The following DRC9 variants were observed in gnomAD, a reference collection of about 807,000 sequenced individuals.
DRC9 encodes the protein dynein regulatory complex protein 9.
the DRC9 span, among the ~76,000 whole-genome samples, chr3:197,902,982 C>T: frequency 5.9e-5 from 9 of 152,118 alleles, no homozygotes; most frequent in African/African-American, 1.7e-4. Context: ...AAAACAGACA[C>T]ATAGACCAAT....
chr3:197,892,533 CTCAG>C, the DRC9 span: 9 of 1,432,288 alleles, frequency 6.3e-6, no homozygotes, highest in Non-Finnish European at 8.6e-6. Context: ...CCACTCCCTC[CTCAG>C]TGAGTGCCCT....
the DRC9 span, chr3:197,932,416 C>T: frequency 9.0e-3 from 6,296 of 699,776 alleles, 328 homozygotes; most frequent in African/African-American, 0.11. Context: ...AGGCGGATCA[C>T]GAGGTCAGGA....
chr3:197,954,051 G>C, the DRC9 span: 1 of 1,613,988 alleles, frequency 6.2e-7, no homozygotes, highest in Non-Finnish European at 8.5e-7. Context: ...GAGTCATCTG[G>C]GGAAAAGTAA....
chr3:197,898,667 C>T, the DRC9 span, among the ~76,000 whole-genome samples: 3 of 152,136 alleles, frequency 2.0e-5, no homozygotes, highest in Admixed American at 6.6e-5. Context: ...GGAGAGAGAA[C>T]GAGTGCCGAG....
At chr3:197,894,210 A>C in the DRC9 span, among the ~76,000 whole-genome samples, 1 of 152,208 alleles carries the variant, frequency 6.6e-6, no homozygotes, top group African/African-American at 2.4e-5. Context: ...TACCTAGCCA[A>C]TAATACAGTA....
At chr3:197,915,434 C>T in the DRC9 span, among the ~76,000 whole-genome samples, 2,774 of 152,010 alleles carry the variant, frequency 0.018, 88 homozygotes, top group African/African-American at 0.064. Context: ...GATTTTATTC[C>T]AACTGTCATG....
chr3:197,944,586 C>A, the DRC9 span, among the ~76,000 whole-genome samples: 1 of 152,042 alleles, frequency 6.6e-6, no homozygotes, highest in Non-Finnish European at 1.5e-5. Flanking sequence ...GTAGCTGGGA[C>A]TACAGGCGTC....
At chr3:197,904,105 TATA>T in the DRC9 span, among the ~76,000 whole-genome samples, 959 of 42,892 alleles carry the variant, frequency 0.022, 36 homozygotes, top group East Asian at 0.21. Context: ...TATATATATA[TATA>T]TATTTTTTTT....
At chr3:197,933,920 C>T in the DRC9 span, among the ~76,000 whole-genome samples, 2 of 149,592 alleles carry the variant, frequency 1.3e-5, no homozygotes, top group Admixed American at 6.7e-5. Flanking sequence ...AAGCGACTCT[C>T]CCGCCTTAGC....
At chr3:197,903,906 C>G in the DRC9 span, among the ~76,000 whole-genome samples, 6 of 151,260 alleles carry the variant, frequency 4.0e-5, no homozygotes, top group Non-Finnish European at 8.8e-5. Context: ...GCTCGGAGTT[C>G]AAGGCCCGCC....
chr3:197,906,336 G>C, the DRC9 span: 1 of 151,948 alleles, frequency 6.6e-6, no homozygotes, highest in African/African-American at 2.4e-5. Flanking sequence ...TTTATCCCAG[G>C]AATTTAAAGA....
At chr3:197,904,309 T>A in the DRC9 span, among the ~76,000 whole-genome samples, 73 of 151,934 alleles carry the variant, frequency 4.8e-4, no homozygotes, top group African/African-American at 1.8e-3. Flanking sequence ...AGCAAGGCTG[T>A]GGAGAAAAAG....
chr3:197,917,481 G>T, the DRC9 span, among the ~76,000 whole-genome samples: 1 of 152,234 alleles, frequency 6.6e-6, no homozygotes, highest in African/African-American at 2.4e-5. Flanking sequence ...TATGCTATAG[G>T]CCCTTTGAAA....
At chr3:197,923,471 A>G in the DRC9 span, among the ~76,000 whole-genome samples, 16 of 152,170 alleles carry the variant, frequency 1.1e-4, no homozygotes, top group African/African-American at 3.4e-4. Flanking sequence ...GTTCACACCT[A>G]TCATCCTAGC....
chr3:197,951,418 G>T, the DRC9 span: 8 of 1,259,386 alleles, frequency 6.4e-6, no homozygotes, highest in African/African-American at 7.4e-5. Flanking sequence ...CAGTGACTTG[G>T]TCTCCCTCAC....
At chr3:197,897,427 T>C in the DRC9 span, among the ~76,000 whole-genome samples, 1 of 152,216 alleles carries the variant, frequency 6.6e-6, no homozygotes, top group Admixed American at 6.5e-5. Flanking sequence ...TGTTTATTTA[T>C]ATTTGCCTCA....
the DRC9 span, among the ~76,000 whole-genome samples, chr3:197,939,826 G>C: frequency 6.6e-6 from 1 of 151,956 alleles, no homozygotes; most frequent in East Asian, 1.9e-4. Context: ...GTGACCTCTG[G>C]GATGCCCCAT....
At chr3:197,920,237 C>T in the DRC9 span, among the ~76,000 whole-genome samples, 14 of 151,802 alleles carry the variant, frequency 9.2e-5, no homozygotes, top group African/African-American at 3.4e-4. Context: ...AATAAATTAA[C>T]ATTTCTATTT....
the DRC9 span, chr3:197,950,573 T>C: frequency 3.0e-6 from 1 of 335,924 alleles, no homozygotes; most frequent in Non-Finnish European, 5.4e-6. Flanking sequence ...TCAGCTTTTC[T>C]CCCCCAGCCA....
Sources: gnomAD v4.1 joint callset for allele counts (sites outside exome capture counted in the v4.1 genomes callset) on GRCh38, gnomAD v4.1.1 for gene constraint, MANE v1.5 for transcripts, NCBI Gene and HGNC (gene_info 2026-07-23, HGNC 2026-07-21) for gene names.